Variants in SNX25 observed in about 807,000 individuals in gnomAD.
The protein encoded by SNX25 is sorting nexin-25.
In SNX25, 62 loss-of-function variants were observed where a neutral mutation model predicts 113.7. The observed-to-expected ratio is 0.55, with a 90% CI of 0.44 to 0.67. SNX25 has a LOEUF of 0.67. Among genes scored for constraint, SNX25 ranks in the 30% least tolerant of loss-of-function variants. The pLI is 0.00. For missense variants in SNX25, 1,014 were observed against 1,161.0 expected (o/e 0.87, Z 1.84); for synonymous variants, 421 against 436.2 (o/e 0.97, Z 0.43).
chr4:185,369,997 G>C, exon 12 of SNX25: 1 of 211,738 alleles, frequency 4.7e-6, no homozygotes, highest in South Asian at 6.8e-5. Context: ...ACTCGTGGAT[G>C]TGATGGACCT....
chr4:185,316,086 C>T (rs962392518), intron 7 of SNX25, among the ~76,000 whole-genome samples: 1 of 152,122 alleles, frequency 6.6e-6, no homozygotes, highest in Non-Finnish European at 1.5e-5. Context: ...TTTTTTATGT[C>T]CTTTGTAATT....
intron 10 of SNX25, among the ~76,000 whole-genome samples, chr4:185,333,430 G>A (rs888619223): frequency 6.6e-6 from 1 of 152,112 alleles, no homozygotes; most frequent in Non-Finnish European, 1.5e-5. Context: ...ACTCACATTG[G>A]GTTTTCTGTG....
At chr4:185,247,212 G>A (rs1744983414) in intron 1 of SNX25, 82 bp from the exon 2 acceptor site, 2 of 859,720 alleles carry the variant, frequency 2.3e-6, no homozygotes, top group Non-Finnish European at 1.8e-6. Context: ...TGTTTAGATG[G>A]CATTTCATAC....
At chr4:185,367,489 A>T (rs1027553684), downstream of SNX25, among the ~76,000 whole-genome samples, 1 of 152,216 alleles carries the variant, frequency 6.6e-6, no homozygotes, top group African/African-American at 2.4e-5. Context: ...GAATAAAGGG[A>T]ACTTAAGCAC....
chr4:185,223,736 G>A (rs955292975), intron 1 of SNX25, among the ~76,000 whole-genome samples: 30 of 90,950 alleles, frequency 3.3e-4, no homozygotes, highest in African/African-American at 1.1e-3. Flanking sequence ...AGCCGAGATC[G>A]TGCCGAAAAA....
In SNX25 at chr4:185,233,623, T is replaced by C. The variant is rs1742179016; in HGVS notation, c.430-13671T>C. ...TTCTTTTTTTCTAGCTTCTATTCGT[T>C]CTCTACTTGCCAATTTAGTCAAACT... is the stretch of plus-strand genomic sequence containing the variant. On this transcript the variant is annotated intron_variant, in intron 1 of 18. Coordinates refer to ENST00000652585, the MANE Select transcript of SNX25 (RefSeq NM_001378034.2). Among the ~76,000 whole-genome samples the C allele has an allele frequency of 3.3e-5, 5 of 152,324 alleles. No homozygotes were observed. The South Asian group carries it at 1.0e-3, about 32-fold the overall frequency.
chr4:185,290,339 G>A (rs1751967516), intron 6 of SNX25, among the ~76,000 whole-genome samples: 1 of 152,172 alleles, frequency 6.6e-6, no homozygotes, highest in South Asian at 2.1e-4. Flanking sequence ...AGCTGTCCTT[G>A]CAACTCTTTT....
At chr4:185,215,185 T>C (rs12642107) in intron 1 of SNX25, among the ~76,000 whole-genome samples, 60,015 of 151,276 alleles carry the variant, frequency 0.4, 14,013 homozygotes, top group East Asian at 0.6. Context: ...GCCGAGATCG[T>C]GCCACTGCAC....
chr4:185,375,559 CAAT>C, the SNX25 span: 1 of 581,340 alleles, frequency 1.7e-6, no homozygotes, highest in South Asian at 3.5e-5. Context: ...TAATTGTGTC[CAAT>C]AATCCACTGA....
At chr4:185,329,316 G>C (rs563453030) in intron 9 of SNX25, among the ~76,000 whole-genome samples, 1 of 152,238 alleles carries the variant, frequency 6.6e-6, no homozygotes, top group East Asian at 1.9e-4. Context: ...TTGTGAAGGA[G>C]ACAGCTCAGT....
intron 11 of SNX25, among the ~76,000 whole-genome samples, chr4:185,369,300 C>A (rs1485927193): frequency 6.9e-6 from 1 of 145,748 alleles, no homozygotes; most frequent in Non-Finnish European, 1.5e-5. Flanking sequence ...CTCACTGCAA[C>A]CTCTGCTCCC....
chr4:185,265,630 T>A (rs1466048890), intron 4 of SNX25, among the ~76,000 whole-genome samples: 1 of 152,230 alleles, frequency 6.6e-6, no homozygotes, highest in Admixed American at 6.5e-5. Flanking sequence ...ATTTAAAATT[T>A]TATTTTCTTC....
At chr4:185,376,999 CAAA>C in the SNX25 span, 36 of 1,612,342 alleles carry the variant, frequency 2.2e-5, no homozygotes, top group African/African-American at 1.3e-5. Flanking sequence ...CCTTATCCAC[CAAA>C]TTAGCATGGG....
intron 1 of SNX25, among the ~76,000 whole-genome samples, chr4:185,231,770 TTAGA>T (rs975744029): frequency 3.3e-5 from 5 of 152,098 alleles, no homozygotes; most frequent in African/African-American, 9.7e-5. Flanking sequence ...TTTTAGAATT[TTAGA>T]TAGAAACAGA....
intron 6 of SNX25, among the ~76,000 whole-genome samples, chr4:185,290,834 G>A (rs919006127): frequency 2.6e-5 from 4 of 152,172 alleles, no homozygotes; most frequent in African/African-American, 4.8e-5. Flanking sequence ...CTATAGCCAG[G>A]GACACACTGC....
At chr4:185,344,649 G>A (rs909502271) in intron 12 of SNX25, among the ~76,000 whole-genome samples, 3 of 152,136 alleles carry the variant, frequency 2.0e-5, no homozygotes, top group Non-Finnish European at 4.4e-5. Flanking sequence ...GAGGAAGGAG[G>A]AAGGAAAACA....
intron 6 of SNX25, among the ~76,000 whole-genome samples, chr4:185,294,863 C>T (rs764936098): frequency 2.6e-5 from 4 of 151,896 alleles, no homozygotes; most frequent in African/African-American, 4.8e-5. Flanking sequence ...TAGCATTCCT[C>T]GTTGTCCTTA....
intron 6 of SNX25, among the ~76,000 whole-genome samples, chr4:185,305,873 C>A (rs547810982): frequency 6.6e-6 from 1 of 152,094 alleles, no homozygotes; most frequent in African/African-American, 2.4e-5. Flanking sequence ...AAAGTAATGG[C>A]GAAACCCGTG....
chr4:185,221,033 ATT>A (rs34885137), intron 1 of SNX25, among the ~76,000 whole-genome samples: 2 of 141,528 alleles, frequency 1.4e-5, no homozygotes. Flanking sequence ...CACCCAGCTA[ATT>A]TTTTTTTTTT....
Sources: allele counts gnomAD v4.1 joint callset (sites outside exome capture counted in the v4.1 genomes callset), GRCh38; gene constraint gnomAD v4.1.1; transcripts MANE v1.5; gene names NCBI Gene and HGNC (gene_info 2026-07-23, HGNC 2026-07-21).